TSPEAR: variants seen among roughly 807,000 people sequenced by gnomAD.
TSPEAR encodes thrombospondin type laminin G domain and EAR repeats.
In TSPEAR, 69 loss-of-function variants were observed where a neutral mutation model predicts 71.6. That is an observed-to-expected ratio of 0.96 (90% CI 0.79 to 1.18). The LOEUF (loss-of-function observed/expected upper bound fraction) is 1.18, where lower values mean the gene tolerates loss of function less well. TSPEAR is among the 50% of genes most tolerant of loss of function. The pLI, the probability that TSPEAR is intolerant of heterozygous loss-of-function variation, is 0.00. For missense variants in TSPEAR, 971 were observed against 894.9 expected (o/e 1.09, Z -1.09); for synonymous variants, 402 against 387.2 (o/e 1.04, Z -0.45).
At position 44,687,561 on chromosome 21, in the gene TSPEAR, G is replaced by A. The variant is rs1986917277; in HGVS notation, c.82+23872C>T. ...ACTTGCTGTATGACTCCATCTGAAT[G>A]AGTTCTAAAACAAGGAGAACCAATT... On this transcript the variant is annotated intron_variant, in intron 1 of 11. Coordinates refer to ENST00000323084, the MANE Select transcript of TSPEAR (RefSeq NM_144991.3). The surrounding 1 kb of genome is among the most constrained non-coding windows in gnomAD (Gnocchi z 4.4). 6.6e-6 allele frequency among the ~76,000 whole-genome samples: 1 copy of A among 152,180 alleles called. No individual in the cohort carries two copies. The highest frequency in any genetic ancestry group is 6.5e-5 in the Admixed American group (1 of 15,286).
At chr21:44,501,783 AAGG>A (rs1315230464) in intron 11 of TSPEAR, among the ~76,000 whole-genome samples, 3 of 150,500 alleles carry the variant, frequency 2.0e-5, no homozygotes, top group African/African-American at 7.5e-5. Flanking sequence ...AATAAATAAG[AAGG>A]AGATATTATT....
In TSPEAR at chr21:44,504,831, A is replaced by C; in HGVS notation, c.1805T>G (p.Val602Gly). Residue 602 changes from valine (V) to glycine (G), a missense_variant, in exon 11 of 12, where the codon GTG (valine) becomes GGG (glycine). Coordinates refer to ENST00000323084, the MANE Select transcript of TSPEAR (RefSeq NM_144991.3). Reference protein sequence around the residue: ...FSVGEDYFLVVANSFDGRTFS... With the variant: ...FSVGEDYFLVGANSFDGRTFS... ...GGTACGCCCATCGAAGGAGTTGGCC[A>C]CCACCAGGAAATAATCTTCTCCCAC... 6.2e-7 allele frequency: 1 copy of C among 1,613,996 alleles called. No individual in the cohort carries two copies. Among genetic ancestry groups the C allele is most frequent in the Non-Finnish European group, 8.5e-7 (1 of 1,179,958 alleles).
chr21:44,707,439 C>A (rs1555952681), intron 1 of TSPEAR, among the ~76,000 whole-genome samples: 1 of 152,196 alleles, frequency 6.6e-6, no homozygotes, highest in Non-Finnish European at 1.5e-5. Flanking sequence ...TAGTCCAGAC[C>A]CGTCGGGGCC....
intron 9 of TSPEAR, among the ~76,000 whole-genome samples, chr21:44,511,232 GCA>G (rs2052364678): frequency 3.3e-5 from 5 of 152,080 alleles, no homozygotes; most frequent in Middle Eastern, 3.4e-3. Context: ...GCACACACCT[GCA>G]CACACAGGCC....
chr21:44,674,271 A>T (rs115281989), intron 1 of TSPEAR, among the ~76,000 whole-genome samples: 1,537 of 152,140 alleles, frequency 0.01, 31 homozygotes, highest in African/African-American at 0.035. Context: ...AAAAATACAA[A>T]GAAGTAACAA....
At chr21:44,709,822 G>T (rs1172729623) in intron 1 of TSPEAR, among the ~76,000 whole-genome samples, 1 of 152,286 alleles carries the variant, frequency 6.6e-6, no homozygotes, top group Admixed American at 6.5e-5. Flanking sequence ...TCTACAGAAC[G>T]ATCTGAAGCC....
intron 1 of TSPEAR, among the ~76,000 whole-genome samples, chr21:44,655,200 A>G (rs587596337): frequency 2.3e-4 from 35 of 151,734 alleles, no homozygotes; most frequent in African/African-American, 8.2e-4. Context: ...CAGATGTGCA[A>G]TTTGTAAGTC....
intron 1 of TSPEAR, chr21:44,627,527 C>T (rs782379893): frequency 1.9e-5 from 29 of 1,536,712 alleles, no homozygotes; most frequent in East Asian, 2.4e-5. Flanking sequence ...GGGGCTTCTT[C>T]GTGCTGCCAA....
chr21:44,632,830 C>A (rs774841872), intron 1 of TSPEAR, among the ~76,000 whole-genome samples: 1 of 151,896 alleles, frequency 6.6e-6, no homozygotes, highest in Non-Finnish European at 1.5e-5. Flanking sequence ...GGTGGCAGTG[C>A]AAGACTCCAT....
chr21:44,654,862 A>C (rs73233077), intron 1 of TSPEAR, among the ~76,000 whole-genome samples: 8,539 of 152,192 alleles, frequency 0.056, 247 homozygotes, highest in Middle Eastern at 0.086. Flanking sequence ...TGTTTCCTGG[A>C]AACAGAGCAG....
At chr21:44,643,256 G>T (rs1232205102) in intron 1 of TSPEAR, among the ~76,000 whole-genome samples, 3 of 152,182 alleles carry the variant, frequency 2.0e-5, no homozygotes, top group African/African-American at 7.2e-5. Context: ...GGGCCAGGGG[G>T]TGCAGGGAGT....
intron 1 of TSPEAR, among the ~76,000 whole-genome samples, chr21:44,665,966 A>C (rs1266963887): frequency 2.6e-5 from 4 of 152,154 alleles, no homozygotes; most frequent in Non-Finnish European, 5.9e-5. Context: ...CCACTCTACC[A>C]CAGGCGGGTA....
At chr21:44,682,687 G>C (rs1986664305) in intron 1 of TSPEAR, among the ~76,000 whole-genome samples, 1 of 152,236 alleles carries the variant, frequency 6.6e-6, no homozygotes, top group African/African-American at 2.4e-5. Flanking sequence ...TCCTGAGAGA[G>C]AAGAAACTTA....
At chr21:44,617,801 G>A (rs1982202842) in intron 1 of TSPEAR, among the ~76,000 whole-genome samples, 1 of 152,266 alleles carries the variant, frequency 6.6e-6, no homozygotes, top group Non-Finnish European at 1.5e-5. Context: ...GGCACTGAAT[G>A]TCTCTCTAGT....
At chr21:44,629,989 G>A (rs1555935423) in intron 1 of TSPEAR, among the ~76,000 whole-genome samples, 1 of 152,186 alleles carries the variant, frequency 6.6e-6, no homozygotes, top group Non-Finnish European at 1.5e-5. Flanking sequence ...CGGGGGTCAG[G>A]AGCATCTTGC....
At chr21:44,638,937 G>A (rs905296199) in intron 1 of TSPEAR, among the ~76,000 whole-genome samples, 211 of 152,028 alleles carry the variant, frequency 1.4e-3, no homozygotes, top group African/African-American at 4.7e-3. Context: ...GCTCATCCCT[G>A]CAGCCCTCAT....
In TSPEAR at chr21:44,593,124, C is replaced by G. The variant is rs1980110505; in HGVS notation, c.83-25119G>C. The stretch of plus-strand genomic sequence containing the variant: ...TGGAGGCAGCAGGACCTGTGTGTTC[C>G]AGGGCAAGGACGGTGGGCTTGGCCC... On this transcript the variant is annotated intron_variant, in intron 1 of 11. Coordinates refer to ENST00000323084, the MANE Select transcript of TSPEAR (RefSeq NM_144991.3). This position sits in a 1 kb window ranked among gnomAD's most constrained non-coding sequence, Gnocchi z 5.9. 6.6e-6 allele frequency among the ~76,000 whole-genome samples: 1 copy of G among 152,218 alleles called. No individual in the cohort carries two copies. The highest frequency in any genetic ancestry group is 1.5e-5 in the Non-Finnish European group (1 of 68,036).
At chr21:44,651,446 A>G (rs2146250310) in intron 1 of TSPEAR, among the ~76,000 whole-genome samples, 1 of 152,312 alleles carries the variant, frequency 6.6e-6, no homozygotes, top group East Asian at 1.9e-4. Context: ...TGTGGGTCTC[A>G]CAGGGCTAAA....
chr21:44,677,411 C>A (rs587737079), intron 1 of TSPEAR: 3 of 1,069,846 alleles, frequency 2.8e-6, no homozygotes, highest in East Asian at 4.7e-5. Context: ...GAGCTGCAAT[C>A]GCCTGCAGAG....
Sources: gnomAD v4.1 joint callset for allele counts (sites outside exome capture counted in the v4.1 genomes callset) on GRCh38, gnomAD v4.1.1 for gene constraint, Gnocchi (gnomAD v3.1) non-coding constraint, MANE v1.5 for transcripts, NCBI Gene and HGNC (gene_info 2026-07-23, HGNC 2026-07-21) for gene names.